Variants in GNL3L observed in about 807,000 individuals in gnomAD.
GNL3L encodes guanine nucleotide-binding protein-like 3-like protein.
In GNL3L, 4 loss-of-function variants were observed where a neutral mutation model predicts 42.9. The ratio of observed to expected loss-of-function variants is 0.09; its 90% CI spans 0.05 to 0.21. GNL3L has a LOEUF of 0.21. Ranked by LOEUF, GNL3L falls within the 10% of genes least tolerant of loss-of-function variation. GNL3L has a pLI of 1.00. For synonymous variants in GNL3L, 159 were observed against 176.3 expected, an observed-to-expected ratio of 0.90 and a Z score of 0.78; for missense variants, 412 against 481.7, an observed-to-expected ratio of 0.86 and a Z score of 1.36.
chrX:54,588,769 G>A (rs765001469), intron 16 of GNL3L, among the ~76,000 whole-genome samples: 78 of 111,484 alleles, frequency 7.0e-4, no homozygotes, highest in Non-Finnish European at 1.1e-3. Flanking sequence ...AGGTTGCGGC[G>A]AGCCAAGATC....
chrX:54,592,395 G>A (rs1251950843), intron 16 of GNL3L, among the ~76,000 whole-genome samples: 1 of 111,993 alleles, frequency 8.9e-6, no homozygotes, highest in Non-Finnish European at 1.9e-5. Context: ...TCCAGATCTC[G>A]CAGGAAAGGC....
At position 54,539,120 on chromosome X, in the gene GNL3L, T is replaced by G. The variant is rs1388962020; in HGVS notation, c.81+19T>G. ...CCCTCAGGTAAGGTATGCCTGTTGT[T>G]GAGGGTAAGGTCAAGAACAGGTTGC... On this transcript the variant is annotated intron_variant, in intron 3 of 15. Transcript: ENST00000360845. 4 of 981,906 alleles carry G rather than the reference T, an allele frequency of 4.1e-6. No individual in the cohort carries two copies. The highest frequency in any genetic ancestry group is 2.9e-6 in the Non-Finnish European group (2 of 700,118). The allele number at this position is 981,906 out of a possible 1,213,427, so 80.9% of individuals were successfully genotyped here.
intron 2 of GNL3L, among the ~76,000 whole-genome samples, chrX:54,536,167 A>T (rs1341904799): frequency 9.3e-6 from 1 of 107,738 alleles, no homozygotes; most frequent in African/African-American, 3.4e-5. Flanking sequence ...ACCTCAAGTC[A>T]GGCATCCGGC....
intron 8 of GNL3L, among the ~76,000 whole-genome samples, chrX:54,545,537 C>T (rs1924746748): frequency 9.0e-6 from 1 of 111,492 alleles, no homozygotes; most frequent in African/African-American, 3.3e-5. Context: ...AATACGTATA[C>T]CTCCAATCAT....
intron 16 of GNL3L, among the ~76,000 whole-genome samples, chrX:54,572,762 G>A (rs773879262): frequency 1.8e-5 from 2 of 109,763 alleles, no homozygotes; most frequent in South Asian, 4.0e-4. Context: ...GGTGGCTGCC[G>A]GGCGGAGAGG....
intron 16 of GNL3L, among the ~76,000 whole-genome samples, chrX:54,599,926 A>G (rs1174250214): frequency 9.1e-6 from 1 of 110,217 alleles, no homozygotes; most frequent in Non-Finnish European, 1.9e-5. Context: ...CATATCTTCT[A>G]TTTATTTGTA....
At chrX:54,639,097 A>G in the GNL3L span, among the ~76,000 whole-genome samples, 3 of 111,269 alleles carry the variant, frequency 2.7e-5, no homozygotes, top group Non-Finnish European at 3.8e-5. Flanking sequence ...TAGGATATAT[A>G]CCTTTAAAAT....
At chrX:54,595,139 A>T (rs57893225) in intron 16 of GNL3L, among the ~76,000 whole-genome samples, 27 of 111,795 alleles carry the variant, frequency 2.4e-4, no homozygotes, top group African/African-American at 8.8e-4. Context: ...ATAATTTCTT[A>T]TTGCTCATTA....
chrX:54,633,580 G>GC, the GNL3L span, among the ~76,000 whole-genome samples: 1 of 110,834 alleles, frequency 9.0e-6, no homozygotes, highest in Non-Finnish European at 1.9e-5. Flanking sequence ...ACTTGCTGCG[G>GC]CCAAAGAGAG....
chrX:54,551,511 G>A (rs1411635716), intron 10 of GNL3L, 57 bp from the exon 11 acceptor site: 4 of 1,057,483 alleles, frequency 3.8e-6, no homozygotes, highest in Non-Finnish European at 5.2e-6. Flanking sequence ...GCCCACCTTC[G>A]TGATTGGGGC....
In GNL3L at chrX:54,560,744, A is replaced by G. The variant is rs144825654; in HGVS notation, c.*142A>G. 468 of 468,986 alleles carry G rather than the reference A, an allele frequency of 1.0e-3. 2 individuals carry two copies. Among genetic ancestry groups the G allele is most frequent in the African/African-American group, 9.1e-3 (385 of 42,455 alleles). The allele number at this position is 468,986 out of a possible 1,213,427, so 38.6% of individuals were successfully genotyped here. ...ACTGTGTGTCTTCTCCCCCTCCTCC[A>G]GTAAAAACAGTCCCGGCTAGGTGCT... is the stretch of plus-strand genomic sequence containing the variant. On this transcript the variant is annotated 3_prime_UTR_variant, in exon 16 of 16. Transcript: ENST00000360845.
intron 2 of GNL3L, among the ~76,000 whole-genome samples, chrX:54,532,911 G>A (rs964978330): frequency 2.7e-5 from 3 of 111,436 alleles, no homozygotes; most frequent in African/African-American, 6.5e-5. Flanking sequence ...TGCCTACGTC[G>A]GCCTCCCAAA....
At chrX:54,629,248 C>G in the GNL3L span, among the ~76,000 whole-genome samples, 147 of 110,605 alleles carry the variant, frequency 1.3e-3, no homozygotes, top group African/African-American at 4.7e-3. Context: ...ATTTGGATGT[C>G]CTTTATTTCT....
chrX:54,645,721 G>A, the GNL3L span, among the ~76,000 whole-genome samples: 16 of 112,062 alleles, frequency 1.4e-4, no homozygotes, highest in African/African-American at 4.2e-4. Flanking sequence ...CTGAAGATGT[G>A]CCTATATTAA....
At chrX:54,601,398 A>C (rs1204990761) in intron 16 of GNL3L, among the ~76,000 whole-genome samples, 1 of 111,579 alleles carries the variant, frequency 9.0e-6, no homozygotes, top group Non-Finnish European at 1.9e-5. Flanking sequence ...AGAAAAGAAA[A>C]CCCAGAGAAC....
the GNL3L span, among the ~76,000 whole-genome samples, chrX:54,629,232 T>G: frequency 5.4e-5 from 6 of 110,782 alleles, no homozygotes; most frequent in Non-Finnish European, 1.1e-4. Context: ...GACTTCCTTT[T>G]TATCAATTTG....
Position 54,551,827 on chromosome X carries a change from A to G in GNL3L, c.1039-5A>G, listed in dbSNP as rs779807761. The G allele has an allele frequency of 8.3e-7, 1 of 1,210,493 alleles. No homozygotes were observed. Among genetic ancestry groups the G allele is most frequent in the Admixed American group, 2.2e-5 (1 of 45,955 alleles). The stretch of plus-strand genomic sequence containing the variant: ...CATGACTTCTCTCCTTCCTCCCTTC[A>G]CCAGATTTCCAACTATTATGGCGTC... On this transcript the variant is annotated splice_region_variant and splice_polypyrimidine_tract_variant and intron_variant, in intron 11 of 15. Coordinates refer to ENST00000360845, the MANE Select transcript of GNL3L (RefSeq NM_001184819.2).
intron 2 of GNL3L, among the ~76,000 whole-genome samples, chrX:54,535,238 C>T (rs1451379112): frequency 9.0e-6 from 1 of 111,094 alleles, no homozygotes; most frequent in Non-Finnish European, 1.9e-5. Context: ...CTTGCCTCAG[C>T]CTCCCGAGTA....
At chrX:54,611,576 T>A (rs748351719) in intron 16 of GNL3L, among the ~76,000 whole-genome samples, 5 of 112,240 alleles carry the variant, frequency 4.5e-5, no homozygotes, top group Admixed American at 9.4e-5. Context: ...AAAGAATTTT[T>A]AAATTTCCTT....
Sources: allele counts gnomAD v4.1 joint callset (sites outside exome capture counted in the v4.1 genomes callset), GRCh38; gene constraint gnomAD v4.1.1; transcripts MANE v1.5; gene names NCBI Gene and HGNC (gene_info 2026-07-23, HGNC 2026-07-21).